Variants in RRN3 observed in about 807,000 individuals in gnomAD.
RRN3 encodes RNA polymerase I-specific transcription initiation factor RRN3.
In RRN3, 38 loss-of-function variants were observed where a neutral mutation model predicts 82.3. That is an observed-to-expected ratio of 0.46 (90% CI 0.36 to 0.61). The LOEUF (loss-of-function observed/expected upper bound fraction) is 0.61, where lower values mean the gene tolerates loss of function less well. Among genes scored for constraint, RRN3 ranks in the 20% least tolerant of loss-of-function variants. RRN3 has a pLI of 0.00. For synonymous variants in RRN3, 284 were observed against 284.3 expected (o/e 1.00, Z 0.01); for missense variants, 726 against 793.1 (o/e 0.92, Z 1.02).
At chr16:15,091,637 G>A (rs756997771) in intron 2 of RRN3, among the ~76,000 whole-genome samples, 3 of 151,908 alleles carry the variant, frequency 2.0e-5, no homozygotes, top group Non-Finnish European at 2.9e-5. Flanking sequence ...ATACTCCTGC[G>A]AATTCTCAAA....
intron 11 of RRN3, among the ~76,000 whole-genome samples, chr16:15,073,825 C>T (rs1248043918): frequency 6.6e-6 from 1 of 151,882 alleles, no homozygotes; most frequent in Non-Finnish European, 1.5e-5. Flanking sequence ...TGTTATGTTG[C>T]CCAGGATAGT....
At chr16:15,090,042 C>T (rs1202254526) in intron 3 of RRN3, among the ~76,000 whole-genome samples, 2 of 151,826 alleles carry the variant, frequency 1.3e-5, no homozygotes, top group Non-Finnish European at 2.9e-5. Context: ...AACCCCGTTT[C>T]TACTAAAAAT....
chr16:15,064,588 T>C (rs1003190726), intron 16 of RRN3, among the ~76,000 whole-genome samples: 1 of 152,156 alleles, frequency 6.6e-6, no homozygotes, highest in Non-Finnish European at 1.5e-5. Context: ...CCCTCCCCTA[T>C]CCTGGCACCA....
At chr16:15,071,772 A>C (rs1461199331) in intron 12 of RRN3, among the ~76,000 whole-genome samples, 1 of 152,160 alleles carries the variant, frequency 6.6e-6, no homozygotes, top group African/African-American at 2.4e-5. Flanking sequence ...CATCTCAAAA[A>C]ACAAACAAAC....
intron 15 of RRN3, among the ~76,000 whole-genome samples, chr16:15,067,836 C>T (rs1191067133): frequency 6.6e-6 from 1 of 152,130 alleles, no homozygotes; most frequent in Non-Finnish European, 1.5e-5. Flanking sequence ...GGGCTCACTG[C>T]ATCCTTGACT....
intron 12 of RRN3, among the ~76,000 whole-genome samples, chr16:15,071,963 T>TACCC: frequency 6.6e-6 from 1 of 152,252 alleles, no homozygotes; most frequent in Middle Eastern, 3.4e-3. Flanking sequence ...CAAAGCACCT[T>TACCC]CCGGTCTCTG....
intron 1 of RRN3, 54 bp downstream of exon 1, chr16:15,094,091 C>T (rs1598032105): frequency 1.3e-6 from 2 of 1,482,034 alleles, no homozygotes; most frequent in Non-Finnish European, 9.3e-7. Flanking sequence ...CTCCTCTAAG[C>T]GCCGTCCTGA....
In RRN3 at chr16:15,069,984, A is replaced by C. The variant is rs576170271; in HGVS notation, c.1444+86T>G. The C allele has an allele frequency of 6.9e-5, 92 of 1,333,032 alleles. 1 individual carries two copies. The highest frequency in any genetic ancestry group is 4.0e-4 in the Admixed American group (18 of 44,736). 82.6% of individuals were successfully genotyped at this position (1,333,032 alleles called of 1,614,324 possible). Reference sequence around the variant, plus strand: ...CAGTTTTCTGAATCCAGTTTTTATAAAAATCTCAAAAAAGTAATGAATCAC... The same window carrying C: ...CAGTTTTCTGAATCCAGTTTTTATACAAATCTCAAAAAAGTAATGAATCAC... On this transcript the variant is annotated intron_variant, in intron 14 of 17. Transcript: ENST00000198767.
intron 8 of RRN3, among the ~76,000 whole-genome samples, chr16:15,082,240 T>C (rs1203500520): frequency 2.0e-5 from 3 of 152,254 alleles, no homozygotes; most frequent in East Asian, 1.9e-4. Flanking sequence ...CTTTATCAGG[T>C]TGAGAAAATT....
chr16:15,069,744 A>G (rs891067712), intron 14 of RRN3, among the ~76,000 whole-genome samples: 7 of 152,210 alleles, frequency 4.6e-5, no homozygotes, highest in Non-Finnish European at 1.0e-4. Flanking sequence ...GGTGCATCCA[A>G]CTGAAGCTTT....
At chr16:15,090,348 CA>C (rs1429870204) in intron 3 of RRN3, among the ~76,000 whole-genome samples, 3 of 152,198 alleles carry the variant, frequency 2.0e-5, no homozygotes, top group African/African-American at 7.2e-5. Context: ...ACAAAAACAA[CA>C]GATGACAATT....
At chr16:15,074,046 A>T (rs1467472669) in intron 11 of RRN3, among the ~76,000 whole-genome samples, 1 of 152,254 alleles carries the variant, frequency 6.6e-6, no homozygotes, top group Non-Finnish European at 1.5e-5. Flanking sequence ...CAGAAAAGGG[A>T]AAAAAGTCAA....
intron 16 of RRN3, among the ~76,000 whole-genome samples, chr16:15,064,154 A>C (rs998726562): frequency 1.3e-5 from 2 of 152,020 alleles, no homozygotes; most frequent in African/African-American, 4.8e-5. Flanking sequence ...CAACTCATCT[A>C]GATAAATCGC....
At chr16:15,080,213 G>C (rs1276901589) in intron 8 of RRN3, 117 bp from the exon 9 acceptor site, 30 of 1,292,676 alleles carry the variant, frequency 2.3e-5, no homozygotes. Context: ...GAAAAAAACA[G>C]ACTATCCAGC....
rs199766272 is a variant in RRN3 at position 15,084,627 on chromosome 16, G to C, written c.596+15C>G. On this transcript the variant is annotated intron_variant, in intron 7 of 17. Transcript: ENST00000198767. Reference sequence around the variant, plus strand: ...TTGAGAATTAAACATTCAAAATAAGGAAAAGTATACTCACGATGGTACATA... The same window carrying C: ...TTGAGAATTAAACATTCAAAATAAGCAAAAGTATACTCACGATGGTACATA... The C allele has an allele frequency of 6.4e-7, 1 of 1,557,028 alleles. No individual in the cohort carries two copies. The highest frequency in any genetic ancestry group is 8.8e-7 in the Non-Finnish European group (1 of 1,133,346).
At chr16:15,076,787 C>T in intron 9 of RRN3, 137 bp from the exon 10 acceptor site, 1 of 646,274 alleles carries the variant, frequency 1.5e-6, no homozygotes, top group Non-Finnish European at 2.8e-6. Context: ...CAACACAATA[C>T]ACAATTATGG....
At chr16:15,071,682 C>G (rs1001449505) in intron 12 of RRN3, among the ~76,000 whole-genome samples, 1 of 152,082 alleles carries the variant, frequency 6.6e-6, no homozygotes, top group Non-Finnish European at 1.5e-5. Flanking sequence ...GCAGGAGAAT[C>G]GCTTGAACCC....
In RRN3 at chr16:15,094,240, G is replaced by C. The variant is rs1200858510; in HGVS notation, c.-7C>G. 1.9e-6 allele frequency: 3 copies of C among 1,571,658 alleles called. No homozygotes were observed. Among genetic ancestry groups the C allele is most frequent in the Admixed American group, 1.9e-5 (1 of 53,812 alleles). Reference sequence around the variant, plus strand: ...GAAGCAGCGGTGCCGCCATTGGGCCGAACTAACGCGACCGCTGCGCCTCAG... The same window carrying C: ...GAAGCAGCGGTGCCGCCATTGGGCCCAACTAACGCGACCGCTGCGCCTCAG... On this transcript the variant is annotated 5_prime_UTR_variant, in exon 1 of 18. Coordinates refer to ENST00000198767, the MANE Select transcript of RRN3 (RefSeq NM_018427.5).
At chr16:15,087,942 C>A (rs1218347139) in intron 3 of RRN3, among the ~76,000 whole-genome samples, 1 of 151,918 alleles carries the variant, frequency 6.6e-6, no homozygotes, top group Non-Finnish European at 1.5e-5. Context: ...TGGAGAAACC[C>A]CGTCTCTACT....
Sources: allele counts gnomAD v4.1 joint callset (sites outside exome capture counted in the v4.1 genomes callset), GRCh38; gene constraint gnomAD v4.1.1; transcripts MANE v1.5; gene names NCBI Gene and HGNC (gene_info 2026-07-23, HGNC 2026-07-21).